Variants in TRIM67 observed in about 807,000 individuals in gnomAD.
The protein encoded by TRIM67 is tripartite motif containing 67.
A neutral mutation model predicts 71.0 loss-of-function variants in TRIM67; 39 were observed. That is an observed-to-expected ratio of 0.55 (90% CI 0.43 to 0.72). The LOEUF (loss-of-function observed/expected upper bound fraction) is 0.72, where lower values mean the gene tolerates loss of function less well. TRIM67 is among the 30% of genes least tolerant of loss of function. TRIM67 has a pLI of 0.00. For synonymous variants in TRIM67, 481 were observed against 473.9 expected (o/e 1.01, Z -0.19); for missense variants, 973 against 1,079.2 (o/e 0.90, Z 1.38).
chr1:231,167,319 CTT>C lies in TRIM67; in HGVS notation c.1044+3326_1044+3327del, dbSNP rs1159766852. ...ACAGGACTTTTGATCACTCTAATGT[CTT>C]TTTTTTTTTTTTTTTTTTTGAGACG... On this transcript the variant is annotated intron_variant, in intron 1 of 9. Transcript: ENST00000366653. Among the ~76,000 whole-genome samples, 55 of 51,840 alleles carry C rather than the reference CTT, an allele frequency of 1.1e-3. 5 individuals are homozygous for C. The highest frequency in any genetic ancestry group is 3.7e-3 in the South Asian group (8 of 2,172). 34.0% of individuals were successfully genotyped at this position (51,840 alleles called of 152,430 possible).
At chr1:231,187,134 A>C (rs1220613067) in intron 1 of TRIM67, among the ~76,000 whole-genome samples, 1 of 152,154 alleles carries the variant, frequency 6.6e-6, no homozygotes, top group African/African-American at 2.4e-5. Context: ...ATCCCTCTTT[A>C]TATTTCACCT....
intron 1 of TRIM67, among the ~76,000 whole-genome samples, chr1:231,174,997 G>A (rs1248034660): frequency 1.3e-5 from 2 of 152,210 alleles, no homozygotes; most frequent in East Asian, 3.9e-4. Context: ...AATGCTGCTT[G>A]GAAATGTTTG....
In TRIM67 at chr1:231,219,048, G is replaced by A. The variant is rs149973259; in HGVS notation, c.*3608G>A. The A allele has an allele frequency of 5.2e-5, 51 of 985,508 alleles. No individual in the cohort carries two copies. The African/African-American group carries it at 8.2e-4, about 16-fold the overall frequency. The allele number at this position is 985,508 out of a possible 1,614,324, so 61.0% of individuals were successfully genotyped here. On this transcript the variant is annotated 3_prime_UTR_variant, in exon 10 of 10. Transcript: ENST00000366653. Reference sequence around the variant, plus strand: ...TCGGCACCGGTGGGCAGGTGGTTCAGTGTCAAGGAGGCTGCTGCTGGTCCC... The same window carrying A: ...TCGGCACCGGTGGGCAGGTGGTTCAATGTCAAGGAGGCTGCTGCTGGTCCC...
In TRIM67 at chr1:231,219,120, G is replaced by C; in HGVS notation, c.*3680G>C. On this transcript the variant is annotated 3_prime_UTR_variant, in exon 10 of 10. Coordinates refer to ENST00000366653, the MANE Select transcript of TRIM67 (RefSeq NM_001004342.5). ...GGTAGTGAGGGAGGGTCAATCCTTA[G>C]GGGGAGTCAACATGTGAATGCTAAA... The C allele has an allele frequency of 1.0e-6, 1 of 985,432 alleles. No individual in the cohort carries two copies. The highest frequency in any genetic ancestry group is 1.2e-6 in the Non-Finnish European group (1 of 829,994). 61.0% of individuals were successfully genotyped at this position (985,432 alleles called of 1,614,324 possible). A position where few individuals can be genotyped will look rare whatever the true frequency, so the allele number is the denominator to read the frequency against.
intron 1 of TRIM67, among the ~76,000 whole-genome samples, chr1:231,191,480 GT>G (rs1440844640): frequency 2.0e-5 from 3 of 152,208 alleles, no homozygotes; most frequent in Non-Finnish European, 4.4e-5. Flanking sequence ...GAGATGGTGG[GT>G]GGGGGGCTTC....
At chr1:231,188,830 A>G (rs1174270569) in intron 1 of TRIM67, among the ~76,000 whole-genome samples, 2 of 152,202 alleles carry the variant, frequency 1.3e-5, no homozygotes, top group Admixed American at 6.5e-5. Flanking sequence ...GGAAGTCACC[A>G]GTTGCTACTG....
Position 231,174,151 on chromosome 1 carries a change from TC to T in TRIM67, c.1044+10139del, listed in dbSNP as rs1360148542. ...TCTTCTTTTTTCTTTTGTCTTATTT[TC>T]TTTTTTTTTTTTTTTTTCTATTTAG... On this transcript the variant is annotated intron_variant, in intron 1 of 9. Transcript: ENST00000366653. Among the ~76,000 whole-genome samples the T allele has an allele frequency of 1.7e-3, 194 of 114,050 alleles. 2 individuals carry two copies. The East Asian group carries it at 0.041, about 24-fold the overall frequency. 74.8% of individuals were successfully genotyped at this position (114,050 alleles called of 152,430 possible). A position where few individuals can be genotyped will look rare whatever the true frequency, so the allele number is the denominator to read the frequency against.
At chr1:231,186,307 G>T in intron 1 of TRIM67, 1 of 717,078 alleles carries the variant, frequency 1.4e-6, no homozygotes, top group Non-Finnish European at 2.3e-6. Flanking sequence ...AATCGGGCCT[G>T]ACCTGGATTC....
chr1:231,184,715 C>A, intron 1 of TRIM67: 1 of 432,692 alleles, frequency 2.3e-6, no homozygotes, highest in South Asian at 3.0e-5. Context: ...GTCCCTGCAG[C>A]TGTCGGGGAA....
intron 8 of TRIM67, among the ~76,000 whole-genome samples, chr1:231,210,058 G>T (rs1225026162): frequency 6.6e-6 from 1 of 152,208 alleles, no homozygotes; most frequent in Non-Finnish European, 1.5e-5. Flanking sequence ...GGGATTTTGT[G>T]CTCACACCTG....
chr1:231,216,127 CTTCAT>C lies in TRIM67; in HGVS notation c.*691_*695del. 1.0e-6 allele frequency: 1 copy of C among 982,808 alleles called. No homozygotes were observed. The highest frequency in any genetic ancestry group is 4.7e-5 in the South Asian group (1 of 21,234). The allele number at this position is 982,808 out of a possible 1,614,324, so 60.9% of individuals were successfully genotyped here. A position where few individuals can be genotyped will look rare whatever the true frequency, so the allele number is the denominator to read the frequency against. On this transcript the variant is annotated 3_prime_UTR_variant, in exon 10 of 10. Coordinates refer to ENST00000366653, the MANE Select transcript of TRIM67 (RefSeq NM_001004342.5). ...TGTTCTCTCTCTCTCTTCCTCCATC[CTTCAT>C]TTCTTCTCCCTCCCTCCTTCTCTTT... is the stretch of plus-strand genomic sequence containing the variant.
Position 231,211,044 on chromosome 1 carries a change from A to ATG in TRIM67, c.2123+1795_2123+1796insGT, listed in dbSNP as rs1192901001. Reference sequence around the variant, plus strand: ...CCAAAAAAAAAAAATATATATATATATATATATTTTGTTTGTTTGTTTAAT... The same window carrying ATG: ...CCAAAAAAAAAAAATATATATATATATGTATATATTTTGTTTGTTTGTTTAAT... On this transcript the variant is annotated intron_variant, in intron 8 of 9. Coordinates refer to ENST00000366653, the MANE Select transcript of TRIM67 (RefSeq NM_001004342.5). Among the ~76,000 whole-genome samples, 5 of 136,452 alleles carry ATG rather than the reference A, an allele frequency of 3.7e-5. No individual in the cohort carries two copies. In the East Asian group the frequency reaches 1.1e-3, roughly 29 times the overall value. 89.5% of individuals were successfully genotyped at this position (136,452 alleles called of 152,430 possible).
intron 2 of TRIM67, 125 bp from the exon 3 acceptor site, chr1:231,198,922 A>G (rs1683445813): frequency 4.1e-6 from 6 of 1,473,630 alleles, no homozygotes; most frequent in Non-Finnish European, 5.5e-6. Context: ...TAATTTAACA[A>G]CATTATAGAG....
intron 1 of TRIM67, among the ~76,000 whole-genome samples, chr1:231,196,883 C>A (rs1683380360): frequency 1.3e-5 from 2 of 152,206 alleles, no homozygotes; most frequent in Admixed American, 1.3e-4. Flanking sequence ...TTCCAGGACC[C>A]ACAGCCCCCT....
chr1:231,181,210 C>T (rs1682897529), intron 1 of TRIM67, among the ~76,000 whole-genome samples: 1 of 152,170 alleles, frequency 6.6e-6, no homozygotes, highest in African/African-American at 2.4e-5. Context: ...GTGATCCACC[C>T]TCTTCGGCCT....
intron 8 of TRIM67, among the ~76,000 whole-genome samples, chr1:231,210,198 C>T (rs945723780): frequency 2.6e-5 from 4 of 152,152 alleles, no homozygotes; most frequent in African/African-American, 9.6e-5. Context: ...GGGCCATCTC[C>T]CCAGCAGGAA....
Position 231,163,778 on chromosome 1 carries a change from C to T in TRIM67, c.809C>T (p.Thr270Ile), listed in dbSNP as rs1234840786. ...GAGGCAGCCTCCGGGCCCACTGGCACCGCCCAGGGCGCCCCCAGCGGAGGC... is the reference window on the plus strand; with the variant it reads ...GAGGCAGCCTCCGGGCCCACTGGCATCGCCCAGGGCGCCCCCAGCGGAGGC... ...PAEAASGPTG[T>I]AQGAPSGGGG... The change falls in exon 1 of 10, where the codon ACC (threonine) becomes ATC (isoleucine). Residue 270 changes from threonine to isoleucine, a missense_variant. By Grantham distance (89) the Thr-to-Ile change is moderately conservative. Coordinates refer to ENST00000366653, the MANE Select transcript of TRIM67 (RefSeq NM_001004342.5). 10 of 1,463,750 alleles carry T rather than the reference C, an allele frequency of 6.8e-6. No individual in the cohort carries two copies. Among genetic ancestry groups the T allele is most frequent in the Non-Finnish European group, 9.0e-6 (10 of 1,105,676 alleles). 90.7% of individuals were successfully genotyped at this position (1,463,750 alleles called of 1,614,324 possible).
rs1407924334 is a variant in TRIM67, at chr1:231,186,248, G to A, written c.1045-11123G>A. 12 of 1,290,348 alleles carry A rather than the reference G, an allele frequency of 9.3e-6. No individual in the cohort carries two copies. In the African/African-American group the frequency reaches 1.5e-4, roughly 16 times the overall value. 79.9% of individuals were successfully genotyped at this position (1,290,348 alleles called of 1,614,324 possible). A position where few individuals can be genotyped will look rare whatever the true frequency, so the allele number is the denominator to read the frequency against. On this transcript the variant is annotated intron_variant, in intron 1 of 9. Coordinates refer to ENST00000366653, the MANE Select transcript of TRIM67 (RefSeq NM_001004342.5). ...GAGACAAGAGTACATTCTGGCAAAA[G>A]CAGGATTTCTTCCTGAAGGAGGAGC...
In TRIM67 at chr1:231,208,976, G is replaced by A. The variant is rs1308676434; in HGVS notation, c.1849G>A (p.Gly617Arg). 3 of 1,599,232 alleles carry A rather than the reference G, an allele frequency of 1.9e-6. No homozygotes were observed. Among genetic ancestry groups the A allele is most frequent in the Non-Finnish European group, 2.6e-6 (3 of 1,169,220 alleles). ...CTGGTTCACATTTGACCCCAACTCT[G>A]GGCATCGGGACATCATTTTATCCAA... ...VAWFTFDPNSGHRDIILSNDN... is the reference protein window; with the variant it reads ...VAWFTFDPNSRHRDIILSNDN... Residue 617 changes from glycine to arginine, a missense_variant, in exon 8 of 10, where the codon GGG becomes AGG. Gly to Arg is a moderately radical substitution (Grantham distance 125). Around this residue, in one of 2 missense-constraint regions of TRIM67, gnomAD observed 178 missense variants for 247.9 expected, o/e 0.72. Transcript: ENST00000366653.
Sources: gnomAD v4.1 joint callset for allele counts (sites outside exome capture counted in the v4.1 genomes callset) on GRCh38, gnomAD v4.1.1 for gene constraint, gnomAD v4.1.1 regional missense constraint, MANE v1.5 for transcripts, NCBI Gene and HGNC (gene_info 2026-07-23, HGNC 2026-07-21) for gene names.